The following ADCY5 variants were observed in gnomAD, a reference collection of about 807,000 sequenced individuals.
ADCY5 encodes the protein adenylate cyclase type 5.
A neutral mutation model predicts 119.7 loss-of-function variants in ADCY5; 30 were observed. The observed-to-expected ratio is 0.25, with a 90% CI of 0.19 to 0.34. The LOEUF (loss-of-function observed/expected upper bound fraction) is 0.34, where lower values mean the gene tolerates loss of function less well. ADCY5 is among the 10% of genes least tolerant of loss of function. ADCY5 has a pLI of 1.00. For missense variants in ADCY5, 1,324 were observed against 1,775.2 expected (o/e 0.75, Z 4.57); for synonymous variants, 753 against 762.2 (o/e 0.99, Z 0.20).
chr3:123,331,152 G>C (rs967190628), intron 4 of ADCY5, 136 bp from the exon 5 acceptor site: 1 of 914,890 alleles, frequency 1.1e-6, no homozygotes, highest in Admixed American at 2.5e-5. Context: ...GCCCACGCCG[G>C]AACTCGGCAT....
At chr3:123,439,638 G>C (rs1945688801) in intron 1 of ADCY5, among the ~76,000 whole-genome samples, 1 of 38,326 alleles carries the variant, frequency 2.6e-5, no homozygotes, top group African/African-American at 8.1e-5. Context: ...CATCCACTGG[G>C]GGTCTTGGGC....
In ADCY5 at chr3:123,330,905, T is replaced by C. The variant is rs1576583793; in HGVS notation, c.1630A>G (p.Met544Val). Reference sequence around the variant, plus strand: ...GACACTTACGAGATGGCCTCGATCATGTCCATGCCCATCTCCACACAGCAG... The same window carrying C: ...GACACTTACGAGATGGCCTCGATCACGTCCATGCCCATCTCCACACAGCAG... ...AHCCVEMGMDMIEAISLVREV... is the reference protein window; with the variant it reads ...AHCCVEMGMDVIEAISLVREV... The change falls in exon 5 of 21, where the codon ATG becomes GTG. Residue 544 changes from methionine to valine, a missense_variant. Physicochemically the swap from Met to Val is conservative, Grantham distance 21 (BLOSUM62 1). Transcript: ENST00000462833. The C allele has an allele frequency of 1.9e-6, 3 of 1,613,166 alleles. No homozygotes were observed. Among genetic ancestry groups the C allele is most frequent in the Admixed American group, 1.7e-5 (1 of 59,794 alleles).
In ADCY5 at chr3:123,447,652, C is replaced by T. The variant is rs1320053516; in HGVS notation, c.894G>A (p.Met298Ile). 6.2e-7 allele frequency: 1 copy of T among 1,608,410 alleles called. No individual in the cohort carries two copies. Among genetic ancestry groups the T allele is most frequent in the Admixed American group, 1.7e-5 (1 of 59,668 alleles). Residue 298 changes from methionine to isoleucine, a missense_variant, in exon 1 of 21, where the codon ATG becomes ATA. Transcript: ENST00000462833. ...CNRAAFHQDH[M>I]GLACYALIAV... Reference sequence around the variant, plus strand: ...CGATGAGCGCATAGCAGGCCAGGCCCATGTGGTCCTGGTGGAAGGCGGCGC... The same window carrying T: ...CGATGAGCGCATAGCAGGCCAGGCCTATGTGGTCCTGGTGGAAGGCGGCGC...
intron 8 of ADCY5, among the ~76,000 whole-genome samples, chr3:123,321,529 TG>T (rs771460908): frequency 6.6e-6 from 1 of 152,000 alleles, no homozygotes; most frequent in Admixed American, 6.6e-5. Flanking sequence ...TTCCCCACTG[TG>T]GGGAGGGGTG....
Position 123,332,663 on chromosome 3 carries a change from A to G in ADCY5, c.1419T>C (p.Ala473=). The G allele has an allele frequency of 1.2e-6, 2 of 1,611,410 alleles. No individual in the cohort carries two copies. Among genetic ancestry groups the G allele is most frequent in the Non-Finnish European group, 1.7e-6 (2 of 1,177,860 alleles). ...CCAGGCTGGTGAAGCCCTCGATGTC[A>G]GCAAACAGGATGCTGGGGGACAGGC... ...QKHDNVSILF[A]DIEGFTSLAS... is the part of the protein sequence containing the mutation. The change falls in exon 4 of 21, where the codon GCT becomes GCC. Residue 473 remains alanine (A), a synonymous_variant. Coordinates refer to ENST00000462833, the MANE Select transcript of ADCY5 (RefSeq NM_183357.3).
chr3:123,412,912 G>T lies in ADCY5; in HGVS notation c.1134+34500C>A, dbSNP rs377153179. Among the ~76,000 whole-genome samples, 4 of 152,154 alleles carry T rather than the reference G, an allele frequency of 2.6e-5. No individual in the cohort carries two copies. In the South Asian group the frequency reaches 8.3e-4, roughly 32 times the overall value. On this transcript the variant is annotated intron_variant, in intron 1 of 20. Transcript: ENST00000462833. ...CGTGCCTGTCAGAACAGCTGGTGAC[G>T]GCGTCCCTCTCCCGGCACAGATGCC... is the stretch of plus-strand genomic sequence containing the variant.
chr3:123,415,374 C>T (rs753920781), intron 1 of ADCY5, among the ~76,000 whole-genome samples: 94 of 152,268 alleles, frequency 6.2e-4, no homozygotes, highest in Admixed American at 2.4e-3. Context: ...AGAGTGGGCC[C>T]GCCAGGTGTC....
intron 1 of ADCY5, among the ~76,000 whole-genome samples, chr3:123,376,009 G>A (rs1015366929): frequency 1.3e-5 from 2 of 150,204 alleles, no homozygotes; most frequent in Non-Finnish European, 3.0e-5. Context: ...AAGCTGTTGA[G>A]AGCATGTGTG....
intron 1 of ADCY5, among the ~76,000 whole-genome samples, chr3:123,443,510 G>A (rs1005233462): frequency 4.6e-5 from 7 of 151,928 alleles, no homozygotes; most frequent in Non-Finnish European, 7.4e-5. Flanking sequence ...CCACAGCCTC[G>A]ATTCTTGGTC....
At chr3:123,322,674 T>C (rs1169404690) in intron 8 of ADCY5, among the ~76,000 whole-genome samples, 4 of 152,126 alleles carry the variant, frequency 2.6e-5, no homozygotes, top group African/African-American at 9.7e-5. Context: ...CCCTACCGGC[T>C]ATTCCTGGGT....
chr3:123,325,316 A>T lies in ADCY5; in HGVS notation c.2088+6T>A. 6.2e-7 allele frequency: 1 copy of T among 1,613,840 alleles called. No homozygotes were observed. Among genetic ancestry groups the T allele is most frequent in the African/African-American group, 1.3e-5 (1 of 75,014 alleles). ...TTGCCCACAGGCTGCCCCACCAGCC[A>T]CTCACCATCCGCTTCATCTCCTTGG... On this transcript the variant is annotated splice_donor_region_variant and intron_variant, in intron 8 of 20. Coordinates refer to ENST00000462833, the MANE Select transcript of ADCY5 (RefSeq NM_183357.3).
chr3:123,323,509 G>A (rs966489531), intron 8 of ADCY5, among the ~76,000 whole-genome samples: 16 of 151,790 alleles, frequency 1.1e-4, no homozygotes, highest in Non-Finnish European at 2.4e-4. Context: ...GCTCTTCCCT[G>A]GCCACCTCTC....
chr3:123,365,003 G>T (rs1209186708), intron 1 of ADCY5, among the ~76,000 whole-genome samples: 3 of 150,160 alleles, frequency 2.0e-5, no homozygotes, highest in African/African-American at 7.4e-5. Flanking sequence ...GCGAGATCTC[G>T]GCTCACTGCA....
At chr3:123,307,605 C>A (rs942350460) in intron 12 of ADCY5, among the ~76,000 whole-genome samples, 6 of 152,260 alleles carry the variant, frequency 3.9e-5, no homozygotes, top group African/African-American at 9.6e-5. Context: ...GGTTTCAAAT[C>A]GTTGGCTGCT....
intron 1 of ADCY5, among the ~76,000 whole-genome samples, chr3:123,412,655 A>C (rs74509641): frequency 0.024 from 3,674 of 152,130 alleles, 130 homozygotes; most frequent in African/African-American, 0.083. Context: ...GAACCTGAGC[A>C]CCCATTGAGG....
chr3:123,424,385 G>A (rs970806732), intron 1 of ADCY5, among the ~76,000 whole-genome samples: 4 of 152,240 alleles, frequency 2.6e-5, no homozygotes, highest in African/African-American at 7.2e-5. Flanking sequence ...GGTGGGGTCA[G>A]GCAGAGAAGC....
At chr3:123,331,044 A>T in intron 4 of ADCY5, 28 bp from the exon 5 acceptor site, 1 of 1,597,230 alleles carries the variant, frequency 6.3e-7, no homozygotes, top group South Asian at 1.1e-5. Flanking sequence ...TTTACAAATT[A>T]AAAATAGTAG....
intron 1 of ADCY5, among the ~76,000 whole-genome samples, chr3:123,368,311 G>C (rs1943520909): frequency 6.6e-6 from 1 of 152,304 alleles, no homozygotes; most frequent in East Asian, 1.9e-4. Flanking sequence ...GAAGTAGATG[G>C]GAGGCCAGGC....
At position 123,332,439 on chromosome 3, in the gene ADCY5, G is replaced by A. The variant is rs554340339; in HGVS notation, c.1518+125C>T. The A allele has an allele frequency of 4.2e-6, 3 of 708,712 alleles. No individual in the cohort carries two copies. The East Asian group carries it at 8.2e-5, about 19-fold the overall frequency. The allele number at this position is 708,712 out of a possible 1,614,324, so 43.9% of individuals were successfully genotyped here. A position where few individuals can be genotyped will look rare whatever the true frequency, so the allele number is the denominator to read the frequency against. ...GGTCCCCTCTGCCCATCACCAGCAG[G>A]CTCTGCTCAGCAGGATATACCCAGG... On this transcript the variant is annotated intron_variant, in intron 4 of 20. Coordinates refer to ENST00000462833, the MANE Select transcript of ADCY5 (RefSeq NM_183357.3).
Sources: gnomAD v4.1 joint callset for allele counts (sites outside exome capture counted in the v4.1 genomes callset) on GRCh38, gnomAD v4.1.1 for gene constraint, MANE v1.5 for transcripts, NCBI Gene and HGNC (gene_info 2026-07-23, HGNC 2026-07-21) for gene names.